ALKBH5: variants seen among roughly 807,000 people sequenced by gnomAD.
ALKBH5 encodes the protein alkB homolog 5, RNA demethylase, also known as RNA demethylase ALKBH5.
A neutral mutation model predicts 32.1 loss-of-function variants in ALKBH5; 2 were observed. That is an observed-to-expected ratio of 0.06 (90% CI 0.03 to 0.20). ALKBH5 has a LOEUF of 0.20. Ranked by LOEUF, ALKBH5 falls within the 10% of genes least tolerant of loss-of-function variation. The pLI is 1.00. For missense variants in ALKBH5, 352 were observed against 559.5 expected (o/e 0.63, Z 3.74); for synonymous variants, 300 against 231.7 (o/e 1.29, Z -2.68).
intron 2 of ALKBH5, among the ~76,000 whole-genome samples, chr17:18,203,154 A>G (rs2047251578): frequency 6.6e-6 from 1 of 151,652 alleles, no homozygotes; most frequent in Non-Finnish European, 1.5e-5. Flanking sequence ...CCTGGCTTTT[A>G]AGTAATCCTT....
intron 1 of ALKBH5, among the ~76,000 whole-genome samples, chr17:18,194,691 G>T (rs568428178): frequency 2.0e-5 from 3 of 152,314 alleles, no homozygotes; most frequent in African/African-American, 7.2e-5. Context: ...TGTTCAGGGA[G>T]AGTCTTGCTT....
intron 1 of ALKBH5, among the ~76,000 whole-genome samples, chr17:18,190,804 T>G (rs996399108): frequency 2.0e-5 from 3 of 152,098 alleles, no homozygotes; most frequent in African/African-American, 7.2e-5. Context: ...TGAGAGGGTG[T>G]GGTTGAGCAA....
At chr17:18,204,630 C>T (rs1216432143) in intron 2 of ALKBH5, among the ~76,000 whole-genome samples, 1 of 151,916 alleles carries the variant, frequency 6.6e-6, no homozygotes, top group Non-Finnish European at 1.5e-5. Context: ...AGTGTGGCAG[C>T]GGGTACCTAT....
intron 1 of ALKBH5, among the ~76,000 whole-genome samples, chr17:18,192,339 C>G (rs926450276): frequency 6.6e-6 from 1 of 152,204 alleles, no homozygotes; most frequent in Non-Finnish European, 1.5e-5. Context: ...GGAGTGTCAA[C>G]CAAGTAGTCA....
At chr17:18,189,336 C>T (rs560863142) in intron 1 of ALKBH5, among the ~76,000 whole-genome samples, 1 of 152,250 alleles carries the variant, frequency 6.6e-6, no homozygotes, top group East Asian at 1.9e-4. Flanking sequence ...GAACCGAGAT[C>T]ATGCCACTGA....
Position 18,184,873 on chromosome 17 carries a change from C to T in ALKBH5, c.630C>T (p.Ile210=), listed in dbSNP as rs750278013. The T allele has an allele frequency of 6.7e-5, 108 of 1,614,150 alleles. 1 individual carries two copies. The East Asian group carries it at 1.8e-3, about 28-fold the overall frequency. ...TGTCTCACGTGGACCCCATCCACAT[C>T]TTCGAGCGCCCCATCGTGTCCGTGT... The part of the protein sequence containing the change: ...CIVSHVDPIH[I]FERPIVSVSF... The change falls in exon 1 of 4, where the codon ATC becomes ATT. Residue 210 remains isoleucine, a synonymous_variant. Coordinates refer to ENST00000399138, the MANE Select transcript of ALKBH5 (RefSeq NM_017758.4).
rs117082376 is a variant in ALKBH5 at position 18,202,408 on chromosome 17, T to G, written c.852-4407T>G. Among the ~76,000 whole-genome samples, 112 of 152,236 alleles carry G rather than the reference T, an allele frequency of 7.4e-4. No individual in the cohort carries two copies. In the East Asian group the frequency reaches 9.8e-3, roughly 13 times the overall value. Reference sequence around the variant, plus strand: ...GTCCCGTGAGGGGAGTGGGTACTACTGCAGGAGAGCCAGCAAGGTACAGAC... The same window carrying G: ...GTCCCGTGAGGGGAGTGGGTACTACGGCAGGAGAGCCAGCAAGGTACAGAC... On this transcript the variant is annotated intron_variant, in intron 2 of 3. Transcript: ENST00000399138.
At position 18,184,877 on chromosome 17, in the gene ALKBH5, G is replaced by A; in HGVS notation, c.634G>A (p.Glu212Lys). Residue 212 changes from glutamate (E) to lysine (K), a missense_variant, in exon 1 of 4, where the codon GAG (glutamate) becomes AAG (lysine). Transcript: ENST00000399138. ...VSHVDPIHIF[E>K]RPIVSVSFFS... is the part of the protein sequence containing the mutation. The stretch of plus-strand genomic sequence containing the variant: ...TCACGTGGACCCCATCCACATCTTC[G>A]AGCGCCCCATCGTGTCCGTGTCCTT... The A allele has an allele frequency of 6.2e-7, 1 of 1,614,220 alleles. No individual in the cohort carries two copies. The highest frequency in any genetic ancestry group is 8.5e-7 in the Non-Finnish European group (1 of 1,180,048).
chr17:18,191,487 A>T (rs1464283927), intron 1 of ALKBH5, among the ~76,000 whole-genome samples: 10 of 152,228 alleles, frequency 6.6e-5, no homozygotes, highest in Admixed American at 5.2e-4. Flanking sequence ...GTCAGGGAGC[A>T]TGCGGGCAGT....
chr17:18,190,443 G>C (rs11869205), intron 1 of ALKBH5, among the ~76,000 whole-genome samples: 2 of 149,026 alleles, frequency 1.3e-5, no homozygotes, highest in Non-Finnish European at 3.0e-5. Flanking sequence ...CCAGCTACTC[G>C]GGAGGCTGAG....
chr17:18,200,320 C>T (rs571234544), intron 2 of ALKBH5, among the ~76,000 whole-genome samples: 1 of 151,988 alleles, frequency 6.6e-6, no homozygotes, highest in Non-Finnish European at 1.5e-5. Context: ...CAAGAGATGG[C>T]TTATGGGTCT....
In ALKBH5 at chr17:18,208,351, G is replaced by C. The variant is rs777657592; in HGVS notation, c.1140G>C (p.Glu380Asp). 6.2e-7 allele frequency: 1 copy of C among 1,613,964 alleles called. No individual in the cohort carries two copies. Among genetic ancestry groups the C allele is most frequent in the South Asian group, 1.1e-5 (1 of 91,080 alleles). ...KSYESSEDCS[E>D]AAGSPARKVK... ...ACGAGTCCTCAGAGGACTGCTCTGAGGCAGCAGGCAGCCCTGCCCGAAAGG... is the reference window on the plus strand; with the variant it reads ...ACGAGTCCTCAGAGGACTGCTCTGACGCAGCAGGCAGCCCTGCCCGAAAGG... Residue 380 changes from glutamate to aspartate, a missense_variant, in exon 4 of 4, where the codon GAG becomes GAC. Physicochemically the swap from Glu to Asp is conservative, Grantham distance 45. Transcript: ENST00000399138.
At chr17:18,186,794 T>A (rs535085727) in intron 1 of ALKBH5, among the ~76,000 whole-genome samples, 1 of 152,314 alleles carries the variant, frequency 6.6e-6, no homozygotes, top group African/African-American at 2.4e-5. Context: ...GGCTCAGCCA[T>A]GTCCTGAAAA....
chr17:18,185,754 C>T (rs2047135440), intron 1 of ALKBH5, among the ~76,000 whole-genome samples: 1 of 152,180 alleles, frequency 6.6e-6, no homozygotes, highest in Non-Finnish European at 1.5e-5. Context: ...ATATTCGGTT[C>T]CCAGATCCTG....
At chr17:18,194,511 G>T (rs954192951) in intron 1 of ALKBH5, among the ~76,000 whole-genome samples, 1 of 152,224 alleles carries the variant, frequency 6.6e-6, no homozygotes, top group East Asian at 1.9e-4. Context: ...CCCCCCAAAT[G>T]GAGACTTCAT....
intron 2 of ALKBH5, among the ~76,000 whole-genome samples, chr17:18,198,169 T>G (rs2047215120): frequency 6.6e-6 from 1 of 152,184 alleles, no homozygotes; most frequent in Admixed American, 6.5e-5. Flanking sequence ...AAAAAGCCCT[T>G]TAGCTTTTTA....
At chr17:18,208,147 C>T (rs999050238) in intron 3 of ALKBH5, 72 bp from the exon 4 acceptor site, 17 of 1,487,318 alleles carry the variant, frequency 1.1e-5, no homozygotes, top group Admixed American at 8.5e-5. Context: ...AAGGATGAGA[C>T]GAGGTACAGC....
At chr17:18,194,472 C>T (rs888204501) in intron 1 of ALKBH5, among the ~76,000 whole-genome samples, 1 of 152,060 alleles carries the variant, frequency 6.6e-6, no homozygotes, top group Non-Finnish European at 1.5e-5. Flanking sequence ...TTAAAATATT[C>T]AAACACAACT....
intron 1 of ALKBH5, among the ~76,000 whole-genome samples, chr17:18,192,021 G>A (rs1420853700): frequency 3.3e-5 from 5 of 151,874 alleles, no homozygotes; most frequent in Admixed American, 3.3e-4. Context: ...ATATGGGACA[G>A]TCTTGCAGTC....
Sources: allele counts gnomAD v4.1 joint callset (sites outside exome capture counted in the v4.1 genomes callset), GRCh38; gene constraint gnomAD v4.1.1; transcripts MANE v1.5; gene names NCBI Gene and HGNC (gene_info 2026-07-23, HGNC 2026-07-21).